The following ATG10 variants were observed in gnomAD, a reference collection of about 807,000 sequenced individuals.
The protein encoded by ATG10 is autophagy related 10, also known as ubiquitin-like-conjugating enzyme ATG10.
A neutral mutation model predicts 32.1 loss-of-function variants in ATG10; 30 were observed. The observed-to-expected ratio is 0.94, with a 90% CI of 0.70 to 1.27. The LOEUF (loss-of-function observed/expected upper bound fraction) is 1.27. Ranked by LOEUF, ATG10 falls within the 50% of genes most tolerant of loss-of-function variation. The pLI, the probability that ATG10 is intolerant of heterozygous loss-of-function variation, is 0.00. For missense variants in ATG10, 233 were observed against 262.3 expected (o/e 0.89, Z 0.77); for synonymous variants, 87 against 91.5 (o/e 0.95, Z 0.28).
chr5:81,989,113 G>C (rs1326763204), intron 2 of ATG10, among the ~76,000 whole-genome samples: 1 of 152,236 alleles, frequency 6.6e-6, no homozygotes, highest in Non-Finnish European at 1.5e-5. Context: ...ACAAGCATGA[G>C]CCACCACACT....
intron 5 of ATG10, among the ~76,000 whole-genome samples, chr5:82,250,407 C>T (rs1747207484): frequency 6.6e-6 from 1 of 152,168 alleles, no homozygotes; most frequent in South Asian, 2.1e-4. Context: ...CTGAAGGCTA[C>T]AGGATCCAGG....
rs1168187596 is a variant in ATG10 at position 81,987,672 on chromosome 5, A to G, written c.102A>G (p.Pro34=). The part of the protein sequence containing the change: ...QQIGDSWEWR[P]SKDCSDGYMC... Reference sequence around the variant, plus strand: ...TAGGTGATAGTTGGGAATGGAGACCATCAAAGGTAAGAATGGAAATGTTTG... The same window carrying G: ...TAGGTGATAGTTGGGAATGGAGACCGTCAAAGGTAAGAATGGAAATGTTTG... The change falls in exon 2 of 8, where the codon CCA becomes CCG. Residue 34 remains proline (P), a synonymous_variant. Transcript: ENST00000282185. 1.2e-6 allele frequency: 2 copies of G among 1,601,510 alleles called. No homozygotes were observed. Among genetic ancestry groups the G allele is most frequent in the Non-Finnish European group, 1.7e-6 (2 of 1,172,758 alleles).
At chr5:82,071,220 TAG>T (rs1431430294) in intron 3 of ATG10, among the ~76,000 whole-genome samples, 1 of 152,082 alleles carries the variant, frequency 6.6e-6, no homozygotes, top group South Asian at 2.1e-4. Flanking sequence ...GTCATGAATA[TAG>T]AGCTGATCGT....
At chr5:82,025,382 G>C (rs987678266) in intron 2 of ATG10, among the ~76,000 whole-genome samples, 2 of 152,158 alleles carry the variant, frequency 1.3e-5, no homozygotes, top group African/African-American at 4.8e-5. Flanking sequence ...TACTCTATGG[G>C]TTCTGCTTAT....
intron 3 of ATG10, among the ~76,000 whole-genome samples, chr5:82,151,059 G>T (rs551780738): frequency 6.6e-6 from 1 of 152,278 alleles, no homozygotes; most frequent in South Asian, 2.1e-4. Flanking sequence ...AATGGTCTTG[G>T]TCACCAGCAT....
intron 3 of ATG10, among the ~76,000 whole-genome samples, chr5:82,153,360 G>GA (rs1464037181): frequency 6.6e-6 from 1 of 152,050 alleles, no homozygotes; most frequent in Non-Finnish European, 1.5e-5. Flanking sequence ...GTAAAGCTGA[G>GA]AAAAAAACTT....
chr5:82,138,864 CCCCTCCCCCTCCCCCTCTCCCTCT>C (rs1157566599), intron 3 of ATG10, among the ~76,000 whole-genome samples: 6 of 74,888 alleles, frequency 8.0e-5, no homozygotes, highest in African/African-American at 1.7e-4. Flanking sequence ...CCTCCCCCTC[CCCCTCCCCCTCCCCCTCTCCCTCT>C]CCCTCTCATG....
intron 2 of ATG10, among the ~76,000 whole-genome samples, chr5:82,025,933 AACTC>A (rs983439517): frequency 2.6e-5 from 4 of 152,168 alleles, no homozygotes; most frequent in Non-Finnish European, 5.9e-5. Flanking sequence ...TATAACTTAA[AACTC>A]ACCATTGTAA....
chr5:82,033,011 A>G (rs976796158), intron 2 of ATG10, among the ~76,000 whole-genome samples: 1 of 152,104 alleles, frequency 6.6e-6, no homozygotes, highest in African/African-American at 2.4e-5. Flanking sequence ...TAACATATAC[A>G]TATAGAATGA....
chr5:82,201,908 C>T (rs1745083923), intron 5 of ATG10, among the ~76,000 whole-genome samples: 1 of 152,064 alleles, frequency 6.6e-6, no homozygotes, highest in South Asian at 2.1e-4. Context: ...TGTTTAATAT[C>T]TGTTAAATTT....
At chr5:81,985,855 C>T (rs1327202044) in intron 1 of ATG10, among the ~76,000 whole-genome samples, 1 of 152,182 alleles carries the variant, frequency 6.6e-6, no homozygotes, top group Non-Finnish European at 1.5e-5. Flanking sequence ...CTCCGCCTCC[C>T]GGGTTCCCGC....
intron 5 of ATG10, among the ~76,000 whole-genome samples, chr5:82,210,721 G>A (rs1438302904): frequency 1.3e-5 from 2 of 152,098 alleles, no homozygotes; most frequent in African/African-American, 2.4e-5. Flanking sequence ...CGAGGGCAGG[G>A]AACTTTGGAG....
At chr5:82,038,026 G>A (rs540691215) in intron 2 of ATG10, among the ~76,000 whole-genome samples, 2 of 152,194 alleles carry the variant, frequency 1.3e-5, no homozygotes, top group Non-Finnish European at 2.9e-5. Context: ...CAAAGCAATA[G>A]ATTCTGGCTA....
At chr5:82,147,751 T>G (rs1175480384) in intron 3 of ATG10, 1 of 152,274 alleles carries the variant, frequency 6.6e-6, no homozygotes, top group East Asian at 1.9e-4. Context: ...TGCATCATTC[T>G]CTAGCACCTA....
intron 2 of ATG10, among the ~76,000 whole-genome samples, chr5:81,988,313 A>G (rs1413449351): frequency 6.7e-5 from 10 of 149,960 alleles, no homozygotes; most frequent in Non-Finnish European, 1.3e-4. Flanking sequence ...AATTTTTTGT[A>G]TTTTTAGTAG....
chr5:82,185,900 A>G (rs1744428571), intron 5 of ATG10, among the ~76,000 whole-genome samples: 1 of 152,180 alleles, frequency 6.6e-6, no homozygotes, highest in African/African-American at 2.4e-5. Flanking sequence ...TTTACACAAC[A>G]TCCGATAACT....
At chr5:82,040,476 G>T (rs1394549517) in intron 2 of ATG10, among the ~76,000 whole-genome samples, 1 of 152,084 alleles carries the variant, frequency 6.6e-6, no homozygotes. Flanking sequence ...AATCATAAAT[G>T]TTAAAAATAT....
intron 5 of ATG10, among the ~76,000 whole-genome samples, chr5:82,217,370 TATTTATGTGC>T (rs1232838728): frequency 6.6e-6 from 1 of 152,204 alleles, no homozygotes; most frequent in Non-Finnish European, 1.5e-5. Flanking sequence ...AACACTGTGC[TATTTATGTGC>T]ATTAGTTCAT....
At chr5:82,010,992 G>C (rs1238391371) in intron 2 of ATG10, among the ~76,000 whole-genome samples, 3 of 152,184 alleles carry the variant, frequency 2.0e-5, no homozygotes, top group Non-Finnish European at 4.4e-5. Context: ...CCAACTTGGA[G>C]CTAAAACTGA....
Sources: allele counts gnomAD v4.1 joint callset (sites outside exome capture counted in the v4.1 genomes callset), GRCh38; gene constraint gnomAD v4.1.1; transcripts MANE v1.5; gene names NCBI Gene and HGNC (gene_info 2026-07-23, HGNC 2026-07-21).